Variants in GMDS observed in about 807,000 individuals in gnomAD.
GMDS encodes GDP-mannose 4,6 dehydratase.
GMDS carries 20 observed loss-of-function variants against 49.9 expected under a neutral mutation model. The observed-to-expected ratio is 0.40, with a 90% confidence interval of 0.28 to 0.58. The LOEUF (loss-of-function observed/expected upper bound fraction) is 0.58, where lower values mean the gene tolerates loss of function less well. Ranked by LOEUF, GMDS falls within the 20% of genes least tolerant of loss-of-function variation. GMDS has a pLI of 0.42. For synonymous variants in GMDS, 177 were observed against 178.6 expected, an observed-to-expected ratio of 0.99 and a Z score of 0.07; for missense variants, 362 against 481.4, an observed-to-expected ratio of 0.75 and a Z score of 2.32.
intron 5 of GMDS, among the ~76,000 whole-genome samples, chr6:1,960,478 C>CAA (rs1395878830): frequency 1.3e-4 from 20 of 151,898 alleles, no homozygotes; most frequent in Non-Finnish European, 2.4e-4. Flanking sequence ...GAAAAAGAAT[C>CAA]ACATTGGGTC....
intron 1 of GMDS, among the ~76,000 whole-genome samples, chr6:2,197,539 G>A (rs1480527911): frequency 2.6e-5 from 4 of 152,162 alleles, no homozygotes; most frequent in East Asian, 1.9e-4. Context: ...GACATTTCCC[G>A]TAAAAGGGCC....
intron 4 of GMDS, among the ~76,000 whole-genome samples, chr6:2,002,222 T>C (rs1290126694): frequency 2.0e-5 from 3 of 152,232 alleles, no homozygotes; most frequent in African/African-American, 7.2e-5. Context: ...ACAAACATTG[T>C]TGCGTGCCTA....
At chr6:2,135,596 CAT>C (rs769711829) in intron 1 of GMDS, among the ~76,000 whole-genome samples, 45 of 93,058 alleles carry the variant, frequency 4.8e-4, no homozygotes, top group South Asian at 6.8e-4. Context: ...ACATCTACCA[CAT>C]CATCATCATC....
chr6:1,817,124 C>T (rs1770705558), intron 7 of GMDS, among the ~76,000 whole-genome samples: 1 of 150,370 alleles, frequency 6.7e-6, no homozygotes, highest in Admixed American at 6.7e-5. Flanking sequence ...CACACACACA[C>T]ACACTCACAT....
At chr6:2,036,092 G>A (rs1432026541) in intron 4 of GMDS, among the ~76,000 whole-genome samples, 1 of 152,198 alleles carries the variant, frequency 6.6e-6, no homozygotes, top group African/African-American at 2.4e-5. Context: ...AGAATTAGAT[G>A]ACAGTGTTCT....
At chr6:1,642,238 C>T (rs1763353943) in intron 9 of GMDS, among the ~76,000 whole-genome samples, 1 of 144,450 alleles carries the variant, frequency 6.9e-6, no homozygotes, top group Non-Finnish European at 1.5e-5. Flanking sequence ...GTGATCTCGG[C>T]TCACTGCAAC....
intron 1 of GMDS, among the ~76,000 whole-genome samples, chr6:2,192,566 G>A (rs1030687831): frequency 6.6e-6 from 1 of 152,212 alleles, no homozygotes; most frequent in Non-Finnish European, 1.5e-5. Context: ...CTTCTTTGGG[G>A]CCCCATGGTT....
intron 4 of GMDS, among the ~76,000 whole-genome samples, chr6:1,962,199 C>T (rs1763985677): frequency 6.6e-6 from 1 of 152,096 alleles, no homozygotes; most frequent in Admixed American, 6.6e-5. Context: ...TTTCATCACC[C>T]CAAAAAGAAA....
chr6:2,076,670 C>G (rs1158283261), intron 4 of GMDS, among the ~76,000 whole-genome samples: 1 of 152,148 alleles, frequency 6.6e-6, no homozygotes, highest in East Asian at 1.9e-4. Context: ...AAAGGATTCC[C>G]TATTTAATAA....
At chr6:2,237,142 A>C (rs1781397042) in intron 1 of GMDS, among the ~76,000 whole-genome samples, 1 of 152,206 alleles carries the variant, frequency 6.6e-6, no homozygotes, top group African/African-American at 2.4e-5. Context: ...AGTCTATGTA[A>C]CTCAATTCTA....
chr6:2,020,381 GAA>G (rs1384381429), intron 4 of GMDS, among the ~76,000 whole-genome samples: 1 of 151,878 alleles, frequency 6.6e-6, no homozygotes, highest in African/African-American at 2.4e-5. Flanking sequence ...ATCACATAGA[GAA>G]TCCTAAACAG....
intron 9 of GMDS, among the ~76,000 whole-genome samples, chr6:1,646,730 C>T (rs957126744): frequency 1.2e-4 from 18 of 152,154 alleles, no homozygotes; most frequent in African/African-American, 4.3e-4. Context: ...GGTTTATTTC[C>T]CATTTTTTTC....
chr6:1,703,066 A>G (rs1272495404), intron 9 of GMDS, among the ~76,000 whole-genome samples: 2 of 152,112 alleles, frequency 1.3e-5, no homozygotes, highest in Non-Finnish European at 2.9e-5. Context: ...CTTTTGGGGG[A>G]AGGAAGCCGA....
At chr6:1,916,264 C>T (rs773920612) in intron 7 of GMDS, among the ~76,000 whole-genome samples, 3 of 152,104 alleles carry the variant, frequency 2.0e-5, no homozygotes, top group Non-Finnish European at 4.4e-5. Flanking sequence ...GCTGATGAAA[C>T]GTGAGGGTGC....
At chr6:1,794,673 C>T (rs542952507) in intron 7 of GMDS, among the ~76,000 whole-genome samples, 9 of 152,212 alleles carry the variant, frequency 5.9e-5, no homozygotes, top group African/African-American at 1.7e-4. Flanking sequence ...ACAATGGTAC[C>T]CAAATCATTT....
intron 4 of GMDS, among the ~76,000 whole-genome samples, chr6:1,984,411 C>T (rs986390054): frequency 6.6e-6 from 1 of 151,926 alleles, no homozygotes; most frequent in Non-Finnish European, 1.5e-5. Flanking sequence ...CCCCCGCCTC[C>T]AAAAACAAGA....
chr6:2,000,724 C>G (rs1404602877), intron 4 of GMDS, among the ~76,000 whole-genome samples: 1 of 152,146 alleles, frequency 6.6e-6, no homozygotes, highest in South Asian at 2.1e-4. Flanking sequence ...TGCAGTGGCA[C>G]AATCATAGCT....
intron 4 of GMDS, among the ~76,000 whole-genome samples, chr6:2,075,705 T>C (rs577921690): frequency 3.2e-4 from 49 of 151,914 alleles, no homozygotes; most frequent in African/African-American, 7.5e-4. Flanking sequence ...TGAATAGTGC[T>C]GCAATAAACA....
intron 9 of GMDS, among the ~76,000 whole-genome samples, chr6:1,724,181 T>A (rs918917937): frequency 6.6e-6 from 1 of 152,022 alleles, no homozygotes; most frequent in Non-Finnish European, 1.5e-5. Flanking sequence ...AGATTCAAAA[T>A]TGGACAGTAA....
Sources: gnomAD v4.1 joint callset for allele counts (sites outside exome capture counted in the v4.1 genomes callset) on GRCh38, gnomAD v4.1.1 for gene constraint, MANE v1.5 for transcripts, NCBI Gene and HGNC (gene_info 2026-07-23, HGNC 2026-07-21) for gene names.